CDH12: variants seen among roughly 807,000 people sequenced by gnomAD.
CDH12 encodes the protein cadherin 12.
In CDH12, 41 loss-of-function variants were observed where a neutral mutation model predicts 74.1. The ratio of observed to expected loss-of-function variants is 0.55; its 90% confidence interval spans 0.43 to 0.72. The LOEUF is 0.72. Ranked by LOEUF, CDH12 falls within the 30% of genes least tolerant of loss-of-function variation. The probability of loss-of-function intolerance (pLI) is 0.00; values close to 1 mark genes in which losing one functional copy is unlikely to be tolerated. For missense variants in CDH12, 945 were observed against 977.2 expected (o/e 0.97, Z 0.44); for synonymous variants, 399 against 355.0 (o/e 1.12, Z -1.39).
At chr5:22,228,022 T>C (rs1231619124) in intron 3 of CDH12, among the ~76,000 whole-genome samples, 1 of 152,128 alleles carries the variant, frequency 6.6e-6, no homozygotes, top group Non-Finnish European at 1.5e-5. Context: ...TGCTATTTAA[T>C]AACTGCAAAC....
chr5:21,859,893 G>A (rs542247257), intron 6 of CDH12, among the ~76,000 whole-genome samples: 1 of 151,956 alleles, frequency 6.6e-6, no homozygotes, highest in Middle Eastern at 3.4e-3. Context: ...AATCTCTTAG[G>A]GCATCTCTTA....
intron 1 of CDH12, among the ~76,000 whole-genome samples, chr5:22,602,876 C>T (rs1051792019): frequency 2.6e-5 from 4 of 152,016 alleles, no homozygotes; most frequent in African/African-American, 7.2e-5. Flanking sequence ...TCATATCTGC[C>T]AATCAAAAAG....
chr5:22,018,168 T>C (rs1044708780), intron 5 of CDH12, among the ~76,000 whole-genome samples: 1 of 152,170 alleles, frequency 6.6e-6, no homozygotes, highest in Non-Finnish European at 1.5e-5. Flanking sequence ...TAGTTTGAAG[T>C]ACTTCAATTT....
chr5:22,496,666 A>G (rs1747113630), intron 2 of CDH12, among the ~76,000 whole-genome samples: 1 of 152,142 alleles, frequency 6.6e-6, no homozygotes, highest in Non-Finnish European at 1.5e-5. Context: ...AACATAAACA[A>G]TGGAATCCAC....
chr5:22,509,474 G>T (rs1561456694), intron 1 of CDH12, among the ~76,000 whole-genome samples: 1 of 152,136 alleles, frequency 6.6e-6, no homozygotes, highest in East Asian at 1.9e-4. Context: ...TTGACAGGAA[G>T]AAAAAATAAA....
intron 11 of CDH12, among the ~76,000 whole-genome samples, chr5:21,770,641 A>G (rs545682911): frequency 7.9e-5 from 12 of 152,142 alleles, no homozygotes; most frequent in Admixed American, 3.3e-4. Context: ...AAAAGTTAAA[A>G]TTCGGTATTG....
intron 1 of CDH12, among the ~76,000 whole-genome samples, chr5:22,748,172 C>T (rs1047382772): frequency 6.6e-6 from 1 of 152,104 alleles, no homozygotes; most frequent in African/African-American, 2.4e-5. Context: ...TTAAATGGAA[C>T]AGCTGAGCTG....
chr5:21,946,570 C>T (rs1437057027), intron 6 of CDH12, among the ~76,000 whole-genome samples: 1 of 152,166 alleles, frequency 6.6e-6, no homozygotes, highest in East Asian at 1.9e-4. Context: ...TGACATTACA[C>T]ATATATTATT....
intron 5 of CDH12, among the ~76,000 whole-genome samples, chr5:22,054,206 T>C (rs1740582588): frequency 6.6e-6 from 1 of 152,072 alleles, no homozygotes; most frequent in African/African-American, 2.4e-5. Flanking sequence ...AAGAAACTTT[T>C]TTAGAAACAC....
intron 1 of CDH12, among the ~76,000 whole-genome samples, chr5:22,761,055 G>A (rs1561012214): frequency 6.6e-6 from 1 of 152,168 alleles, no homozygotes; most frequent in Admixed American, 6.5e-5. Context: ...CATACATGAT[G>A]TTATCCCTCA....
intron 1 of CDH12, among the ~76,000 whole-genome samples, chr5:22,757,647 C>T (rs1452762585): frequency 6.6e-6 from 1 of 152,074 alleles, no homozygotes; most frequent in Non-Finnish European, 1.5e-5. Context: ...TCATGTGTCT[C>T]CAAAGCATAC....
intron 6 of CDH12, among the ~76,000 whole-genome samples, chr5:21,908,450 T>G (rs1041808266): frequency 1.3e-5 from 2 of 152,208 alleles, no homozygotes; most frequent in African/African-American, 4.8e-5. Flanking sequence ...CTGCCCTGCA[T>G]GGGTTGGGCC....
chr5:22,819,756 A>T (rs1749573083), intron 1 of CDH12, among the ~76,000 whole-genome samples: 1 of 151,186 alleles, frequency 6.6e-6, no homozygotes, highest in African/African-American at 2.4e-5. Flanking sequence ...TATAAAAATG[A>T]ACTCAAAATC....
At chr5:21,930,709 G>T (rs1754795132) in intron 6 of CDH12, among the ~76,000 whole-genome samples, 1 of 152,064 alleles carries the variant, frequency 6.6e-6, no homozygotes, top group African/African-American at 2.4e-5. Context: ...TTCATCTGTA[G>T]AATAAGAATG....
At chr5:21,841,076 C>A (rs946805859) in intron 8 of CDH12, among the ~76,000 whole-genome samples, 4 of 152,082 alleles carry the variant, frequency 2.6e-5, no homozygotes, top group African/African-American at 9.6e-5. Flanking sequence ...AGGCAACCCA[C>A]AAAATGGGAG....
At chr5:22,252,918 T>C (rs145605081) in intron 3 of CDH12, among the ~76,000 whole-genome samples, 1 of 152,084 alleles carries the variant, frequency 6.6e-6, no homozygotes, top group Non-Finnish European at 1.5e-5. Flanking sequence ...TTATCAGATG[T>C]GTAATTTAAT....
At chr5:22,227,856 A>G (rs951901154) in intron 3 of CDH12, among the ~76,000 whole-genome samples, 1 of 152,108 alleles carries the variant, frequency 6.6e-6, no homozygotes, top group Admixed American at 6.6e-5. Flanking sequence ...ATGTGGCGAC[A>G]TGGCACACTT....
chr5:21,987,930 AT>A (rs530458424), intron 5 of CDH12, among the ~76,000 whole-genome samples: 272 of 152,010 alleles, frequency 1.8e-3, no homozygotes, highest in African/African-American at 6.3e-3. Context: ...GGGAAAAAAA[AT>A]CTCCTTCACA....
chr5:22,648,952 A>C (rs1739582764), intron 1 of CDH12, among the ~76,000 whole-genome samples: 1 of 152,040 alleles, frequency 6.6e-6, no homozygotes, highest in South Asian at 2.1e-4. Flanking sequence ...ATTGGAATTT[A>C]GTCTGCAAAA....
Sources: gnomAD v4.1 joint callset for allele counts (sites outside exome capture counted in the v4.1 genomes callset) on GRCh38, gnomAD v4.1.1 for gene constraint, MANE v1.5 for transcripts, NCBI Gene and HGNC (gene_info 2026-07-23, HGNC 2026-07-21) for gene names.